NAA15: variants seen among roughly 807,000 people sequenced by gnomAD.
The protein encoded by NAA15 is N-terminal acetyltransferase.
A neutral mutation model predicts 114.0 loss-of-function variants in NAA15; 34 were observed. The ratio of observed to expected loss-of-function variants is 0.30; its 90% CI spans 0.23 to 0.40. NAA15 has a LOEUF of 0.40. Among genes scored for constraint, NAA15 ranks in the 10% least tolerant of loss-of-function variants. The probability of loss-of-function intolerance (pLI) is 1.00; values close to 1 mark genes in which losing one functional copy is unlikely to be tolerated. For missense variants in NAA15, 658 were observed against 1,004.5 expected (o/e 0.66, Z 4.66); for synonymous variants, 340 against 338.0 (o/e 1.01, Z -0.06).
In NAA15 at chr4:139,357,374, T is replaced by G. The variant is rs2110948834; in HGVS notation, c.1088-12T>G. 1.2e-6 allele frequency: 2 copies of G among 1,613,148 alleles called. No individual in the cohort carries two copies. Among genetic ancestry groups the G allele is most frequent in the East Asian group, 4.5e-5 (2 of 44,798 alleles). On this transcript the variant is annotated splice_polypyrimidine_tract_variant and intron_variant, in intron 10 of 19. Coordinates refer to ENST00000296543, the MANE Select transcript of NAA15 (RefSeq NM_057175.5). ...ATGCCTCATCTTGGTTTCTTCTCCC[T>G]CTTCTCCTAAGATGATGGAAAGGAG... is the stretch of plus-strand genomic sequence containing the variant.
chr4:139,307,253 G>C (rs1746052027), intron 1 of NAA15, among the ~76,000 whole-genome samples: 1 of 152,240 alleles, frequency 6.6e-6, no homozygotes, highest in African/African-American at 2.4e-5. Flanking sequence ...ATAGCCATTG[G>C]CCATGTGTAG....
chr4:139,352,305 C>T (rs1747803441), intron 9 of NAA15, among the ~76,000 whole-genome samples: 6 of 152,022 alleles, frequency 3.9e-5, no homozygotes, highest in Admixed American at 3.9e-4. Flanking sequence ...GACAGGGTTT[C>T]ACCGTGTTGG....
rs1437473314 is a variant in NAA15, at chr4:139,385,302, T to TAAAC, written c.2302+325_2302+326insAACA. Among the ~76,000 whole-genome samples, 7 of 92,686 alleles carry TAAAC rather than the reference T, an allele frequency of 7.6e-5. 1 individual carries two copies. In the East Asian group the frequency reaches 1.8e-3, roughly 24 times the overall value. The allele number at this position is 92,686 out of a possible 152,430, so 60.8% of individuals were successfully genotyped here. On this transcript the variant is annotated intron_variant, in intron 18 of 19. Transcript: ENST00000296543. ...ATATATAATATATATATATATATAA[T>TAAAC]ATATATTATATATATATGCGCTTCC...
At chr4:139,356,101 C>A (rs1295749302) in intron 10 of NAA15, among the ~76,000 whole-genome samples, 1 of 152,104 alleles carries the variant, frequency 6.6e-6, no homozygotes, top group Admixed American at 6.5e-5. Context: ...ATTATGAATT[C>A]ATGGATTTAA....
intron 1 of NAA15, among the ~76,000 whole-genome samples, chr4:139,303,792 C>A (rs187914065): frequency 3.3e-5 from 5 of 152,288 alleles, no homozygotes; most frequent in Admixed American, 1.3e-4. Flanking sequence ...CAAAAAACTT[C>A]ATCTCTAAAT....
rs1177941342 is a variant in NAA15 at position 139,378,839 on chromosome 4, C to T, written c.2140C>T (p.Arg714Cys). The T allele has an allele frequency of 1.3e-6, 2 of 1,552,504 alleles. No homozygotes were observed. The highest frequency in any genetic ancestry group is 2.4e-5 in the East Asian group (1 of 40,886). Reference protein sequence around the residue: ...SHPWLHECMIRLFNTAVCESK... With the variant: ...SHPWLHECMICLFNTAVCESK... ...TCCCTGGCTTCATGAGTGTATGATT[C>T]GTCTCTTTAATACTGGTATGTTTTT... The change falls in exon 17 of 20, where the codon CGT (arginine) becomes TGT (cysteine). Residue 714 changes from arginine (R) to cysteine (C), a missense_variant. Around this residue, in one of 6 missense-constraint regions of NAA15, gnomAD observed 275 missense variants for 371.1 expected, o/e 0.74. Coordinates refer to ENST00000296543, the MANE Select transcript of NAA15 (RefSeq NM_057175.5).
chr4:139,318,104 C>T (rs186858438), intron 1 of NAA15, among the ~76,000 whole-genome samples: 1 of 152,256 alleles, frequency 6.6e-6, no homozygotes, highest in Non-Finnish European at 1.5e-5. Flanking sequence ...ACTTCTGTGT[C>T]CAAAACTTCC....
At chr4:139,364,047 A>G (rs1036825705) in intron 14 of NAA15, among the ~76,000 whole-genome samples, 2 of 152,092 alleles carry the variant, frequency 1.3e-5, no homozygotes, top group African/African-American at 4.8e-5. Flanking sequence ...CACCCAGCTA[A>G]TTTATTTTTG....
At chr4:139,349,414 A>C (rs1174737394) in intron 6 of NAA15, 48 bp from the exon 7 acceptor site, 1 of 1,449,788 alleles carries the variant, frequency 6.9e-7, no homozygotes, top group African/African-American at 1.5e-5. Flanking sequence ...TTCTAATTGG[A>C]AGGTTTTCTC....
chr4:139,357,093 T>TC (rs1747980849), intron 10 of NAA15, among the ~76,000 whole-genome samples: 2 of 151,942 alleles, frequency 1.3e-5, no homozygotes, highest in South Asian at 4.2e-4. Context: ...ACAGCTTGTC[T>TC]CCCCCCTACC....
At chr4:139,305,686 C>T (rs1274344702) in intron 1 of NAA15, among the ~76,000 whole-genome samples, 1 of 152,024 alleles carries the variant, frequency 6.6e-6, no homozygotes, top group African/African-American at 2.4e-5. Flanking sequence ...AGGCGTGTGC[C>T]ACCACACCTA....
At chr4:139,385,289 TA>T (rs1305441288) in intron 18 of NAA15, among the ~76,000 whole-genome samples, 1 of 100,218 alleles carries the variant, frequency 1.0e-5, no homozygotes, top group Non-Finnish European at 2.3e-5. Flanking sequence ...ATATAATATA[TA>T]TATATATATA....
chr4:139,343,706 A>G (rs1747487010), intron 5 of NAA15, among the ~76,000 whole-genome samples: 1 of 152,238 alleles, frequency 6.6e-6, no homozygotes, highest in South Asian at 2.1e-4. Context: ...ATTTGATTAC[A>G]TGGTGAAAGT....
chr4:139,381,342 T>C (rs1560982448), intron 17 of NAA15, among the ~76,000 whole-genome samples: 1 of 152,224 alleles, frequency 6.6e-6, no homozygotes, highest in East Asian at 1.9e-4. Flanking sequence ...ATTTGTCTTA[T>C]TATTTTCTTA....
chr4:139,325,103 C>G (rs560889658), intron 1 of NAA15, among the ~76,000 whole-genome samples: 1 of 141,678 alleles, frequency 7.1e-6, no homozygotes, highest in African/African-American at 2.7e-5. Flanking sequence ...AAACATATCT[C>G]ATTCAAGGGG....
chr4:139,386,424 A>G (rs1748911364), intron 19 of NAA15, 194 bp downstream of exon 19: 1 of 416,798 alleles, frequency 2.4e-6, no homozygotes, highest in Admixed American at 4.3e-5. Flanking sequence ...ATAACTTTTT[A>G]AGAAATATGT....
chr4:139,374,562 G>A (rs1476027503), intron 15 of NAA15, among the ~76,000 whole-genome samples: 2 of 152,184 alleles, frequency 1.3e-5, no homozygotes, highest in Admixed American at 6.5e-5. Context: ...ATATCTGCCT[G>A]TCTTCAGCTT....
chr4:139,386,743 G>C (rs529071082), intron 19 of NAA15, among the ~76,000 whole-genome samples: 1 of 152,210 alleles, frequency 6.6e-6, no homozygotes, highest in East Asian at 1.9e-4. Context: ...GAACACTTGA[G>C]CCTGAAAGGT....
intron 14 of NAA15, among the ~76,000 whole-genome samples, chr4:139,366,019 A>ATT (rs34106756): frequency 1.4e-5 from 2 of 146,114 alleles, no homozygotes; most frequent in Admixed American, 6.9e-5. Flanking sequence ...CTCTATTAGA[A>ATT]TTTTTTTTTT....
Sources: gnomAD v4.1 joint callset for allele counts (sites outside exome capture counted in the v4.1 genomes callset) on GRCh38, gnomAD v4.1.1 for gene constraint, gnomAD v4.1.1 regional missense constraint, MANE v1.5 for transcripts, NCBI Gene and HGNC (gene_info 2026-07-23, HGNC 2026-07-21) for gene names.